The following SPIRE1 variants were observed in gnomAD, a reference collection of about 807,000 sequenced individuals.
SPIRE1 encodes spire type actin nucleation factor 1, also known as protein spire homolog 1.
A neutral mutation model predicts 94.1 loss-of-function variants in SPIRE1; 40 were observed. The observed-to-expected ratio is 0.43, with a 90% CI of 0.33 to 0.55. SPIRE1 has a LOEUF of 0.55. SPIRE1 is among the 20% of genes least tolerant of loss of function. The pLI, the probability that SPIRE1 is intolerant of heterozygous loss-of-function variation, is 0.06. For synonymous variants in SPIRE1, 376 were observed against 371.7 expected (o/e 1.01, Z -0.13); for missense variants, 838 against 975.2 (o/e 0.86, Z 1.87).
intron 2 of SPIRE1, among the ~76,000 whole-genome samples, chr18:12,564,865 G>A (rs1270166143): frequency 6.6e-6 from 1 of 151,938 alleles, no homozygotes; most frequent in Non-Finnish European, 1.5e-5. Flanking sequence ...AAAGCAAAGA[G>A]AACAAAGACT....
At chr18:12,533,719 A>C (rs1425658242) in intron 4 of SPIRE1, among the ~76,000 whole-genome samples, 1 of 152,244 alleles carries the variant, frequency 6.6e-6, no homozygotes, top group African/African-American at 2.4e-5. Context: ...TTTATAAAGT[A>C]GCCAGGTTCA....
At position 12,657,396 on chromosome 18, in the gene SPIRE1, G is replaced by C. The variant is rs1447511031; in HGVS notation, c.337+134C>G. The C allele has an allele frequency of 9.8e-6, 7 of 716,674 alleles. No individual in the cohort carries two copies. The East Asian group carries it at 1.5e-4, about 15-fold the overall frequency. The allele number at this position is 716,674 out of a possible 1,614,324, so 44.4% of individuals were successfully genotyped here. ...CCGTCCTCCCCTGCGGGTCCCCGCCGGATCCTCCCGGGGGTCTCCCGTGGC... is the reference window on the plus strand; with the variant it reads ...CCGTCCTCCCCTGCGGGTCCCCGCCCGATCCTCCCGGGGGTCTCCCGTGGC... On this transcript the variant is annotated intron_variant, in intron 1 of 16. Transcript: ENST00000409402.
chr18:12,572,164 T>C (rs2035973536), intron 2 of SPIRE1, among the ~76,000 whole-genome samples: 1 of 151,906 alleles, frequency 6.6e-6, no homozygotes, highest in Non-Finnish European at 1.5e-5. Flanking sequence ...AGAGCGAGGA[T>C]GAAGCTAGAC....
intron 2 of SPIRE1, among the ~76,000 whole-genome samples, chr18:12,607,456 G>C (rs2037011362): frequency 6.6e-6 from 1 of 152,134 alleles, no homozygotes; most frequent in Admixed American, 6.5e-5. Context: ...TGCCTCCCTT[G>C]CCCTTCAAGT....
At chr18:12,456,885 T>C (rs1406932751) in intron 12 of SPIRE1, among the ~76,000 whole-genome samples, 1 of 152,240 alleles carries the variant, frequency 6.6e-6, no homozygotes, top group East Asian at 1.9e-4. Context: ...TCACCCAGGC[T>C]GGAGCACAGT....
intron 1 of SPIRE1, among the ~76,000 whole-genome samples, chr18:12,644,810 T>G (rs1052281704): frequency 2.6e-5 from 4 of 152,212 alleles, no homozygotes; most frequent in African/African-American, 9.7e-5. Context: ...TTACAAAGGA[T>G]AGCAATGGCT....
Position 12,614,675 on chromosome 18 carries a change from G to A in SPIRE1, c.372+20387C>T, listed in dbSNP as rs150198575. Among the ~76,000 whole-genome samples, 17 of 152,002 alleles carry A rather than the reference G, an allele frequency of 1.1e-4. No homozygotes were observed. In the East Asian group the frequency reaches 2.1e-3, roughly 19 times the overall value. Reference sequence around the variant, plus strand: ...TACTAAAAATACAAGAAAAGTAGCCGGGCACGGTCACGGGCGCCTGTAACC... The same window carrying A: ...TACTAAAAATACAAGAAAAGTAGCCAGGCACGGTCACGGGCGCCTGTAACC... On this transcript the variant is annotated intron_variant, in intron 2 of 16. Coordinates refer to ENST00000409402, the MANE Select transcript of SPIRE1 (RefSeq NM_001128626.2).
At chr18:12,627,008 C>T (rs994593334) in intron 2 of SPIRE1, among the ~76,000 whole-genome samples, 1 of 150,568 alleles carries the variant, frequency 6.6e-6, no homozygotes, top group African/African-American at 2.4e-5. Context: ...GTAATTAATG[C>T]CTCTTAATTC....
At position 12,481,317 on chromosome 18, in the gene SPIRE1, T is replaced by C. The variant is rs1022883059; in HGVS notation, c.1232-1446A>G. ...AGAATGTGCTGTTTACAGTAGGATA[T>C]TCCCCCCTAGCAAGTAATATTTACA... On this transcript the variant is annotated intron_variant, in intron 9 of 16. Transcript: ENST00000409402. Among the ~76,000 whole-genome samples the C allele has an allele frequency of 4.0e-5, 5 of 124,022 alleles. No individual in the cohort carries two copies. The Admixed American group carries it at 4.8e-4, about 12-fold the overall frequency. 81.4% of individuals were successfully genotyped at this position (124,022 alleles called of 152,430 possible).
At chr18:12,461,516 ACAT>A (rs2031836203) in intron 12 of SPIRE1, among the ~76,000 whole-genome samples, 1 of 128,508 alleles carries the variant, frequency 7.8e-6, no homozygotes, top group Non-Finnish European at 1.7e-5. Context: ...GTACGTACAT[ACAT>A]ATGTGTGGTA....
chr18:12,460,076 G>A (rs758353381), intron 12 of SPIRE1: 39 of 196,312 alleles, frequency 2.0e-4, no homozygotes, highest in East Asian at 5.6e-4. Flanking sequence ...CAGTCCGTGC[G>A]AACATCTGCA....
intron 1 of SPIRE1, among the ~76,000 whole-genome samples, chr18:12,649,558 T>C (rs188008994): frequency 6.6e-6 from 1 of 152,356 alleles, no homozygotes; most frequent in Non-Finnish European, 1.5e-5. Flanking sequence ...ACAGCTCTAA[T>C]GACACTGTTA....
chr18:12,498,898 G>A (rs913128371), intron 6 of SPIRE1, among the ~76,000 whole-genome samples: 4 of 152,050 alleles, frequency 2.6e-5, no homozygotes, highest in Non-Finnish European at 4.4e-5. Flanking sequence ...GGGATTACAG[G>A]TGTAATCCCA....
At chr18:12,479,981 G>T in intron 9 of SPIRE1, 110 bp from the exon 10 acceptor site, 1 of 992,994 alleles carries the variant, frequency 1.0e-6, no homozygotes, top group Non-Finnish European at 1.5e-6. Flanking sequence ...GCTTGATTCA[G>T]TAACACCTTG....
chr18:12,505,566 A>AC (rs936620622), intron 6 of SPIRE1, among the ~76,000 whole-genome samples: 2 of 151,740 alleles, frequency 1.3e-5, no homozygotes, highest in African/African-American at 2.4e-5. Flanking sequence ...AAAAAAAAAA[A>AC]ACAAAAAAAC....
In SPIRE1 at chr18:12,559,045, G is replaced by A. The variant is rs964530959; in HGVS notation, c.373-12141C>T. On this transcript the variant is annotated intron_variant, in intron 2 of 16. Transcript: ENST00000409402. The surrounding 1 kb of genome is among the most constrained non-coding windows in gnomAD (Gnocchi z 4.7). ...CTAGTGGATCCTGCACCAGGGCGGCGGGCAGAGGTGCCCGCCAGTCCCGTG... is the reference window on the plus strand; with the variant it reads ...CTAGTGGATCCTGCACCAGGGCGGCAGGCAGAGGTGCCCGCCAGTCCCGTG... Among the ~76,000 whole-genome samples, 19 of 152,140 alleles carry A rather than the reference G, an allele frequency of 1.2e-4. No individual in the cohort carries two copies. Among genetic ancestry groups the A allele is most frequent in the Non-Finnish European group, 2.1e-4 (14 of 68,008 alleles).
At chr18:12,510,565 CAG>C (rs2034004440) in intron 5 of SPIRE1, among the ~76,000 whole-genome samples, 1 of 150,430 alleles carries the variant, frequency 6.6e-6, no homozygotes. Context: ...TTTTTTGAGA[CAG>C]AGTCTCCCTC....
chr18:12,521,016 G>A (rs2034342323), intron 4 of SPIRE1, among the ~76,000 whole-genome samples: 1 of 151,978 alleles, frequency 6.6e-6, no homozygotes, highest in South Asian at 2.1e-4. Flanking sequence ...GAGATTGGGG[G>A]GTGGAAAATA....
At chr18:12,637,321 T>A (rs556889096) in intron 1 of SPIRE1, among the ~76,000 whole-genome samples, 6 of 143,844 alleles carry the variant, frequency 4.2e-5, no homozygotes, top group Non-Finnish European at 7.5e-5. Flanking sequence ...ATTGCGCCGG[T>A]GCACTCCAGC....
Sources: gnomAD v4.1 joint callset for allele counts (sites outside exome capture counted in the v4.1 genomes callset) on GRCh38, gnomAD v4.1.1 for gene constraint, Gnocchi (gnomAD v3.1) non-coding constraint, MANE v1.5 for transcripts, NCBI Gene and HGNC (gene_info 2026-07-23, HGNC 2026-07-21) for gene names.